The following AP4E1 variants were observed in gnomAD, a reference collection of about 807,000 sequenced individuals.
AP4E1 encodes adaptor related protein complex 4 subunit epsilon 1, also known as AP-4 complex subunit epsilon-1.
A neutral mutation model predicts 128.2 loss-of-function variants in AP4E1; 56 were observed. That is an observed-to-expected ratio of 0.44 (90% CI 0.35 to 0.55). The LOEUF is 0.55. Among genes scored for constraint, AP4E1 ranks in the 20% least tolerant of loss-of-function variants. The pLI is 0.00. For missense variants in AP4E1, 1,324 were observed against 1,307.7 expected, an observed-to-expected ratio of 1.01 and a Z score of -0.19; for synonymous variants, 484 against 473.1, an observed-to-expected ratio of 1.02 and a Z score of -0.30.
At position 51,003,917 on chromosome 15, in the gene AP4E1, G is replaced by C. The variant is rs910191348; in HGVS notation, c.*1255G>C. On this transcript the variant is annotated 3_prime_UTR_variant, in exon 21 of 21. Coordinates refer to ENST00000261842, the MANE Select transcript of AP4E1 (RefSeq NM_007347.5). ...GATTTTAGGTTATCTCATTAATCATGGCTGATAAAGAAGCTAAGGGGATTC... is the reference window on the plus strand; with the variant it reads ...GATTTTAGGTTATCTCATTAATCATCGCTGATAAAGAAGCTAAGGGGATTC... 7.9e-5 allele frequency: 12 copies of C among 152,432 alleles called. No homozygotes were observed. Among genetic ancestry groups the C allele is most frequent in the African/African-American group, 2.9e-4 (12 of 41,414 alleles). The allele number at this position is 152,432 out of a possible 1,614,324, so 9.4% of individuals were successfully genotyped here. A position where few individuals can be genotyped will look rare whatever the true frequency, so the allele number is the denominator to read the frequency against.
rs2064044214 is a variant in AP4E1 at position 50,945,352 on chromosome 15, C to T, written c.1177-2668C>T. On this transcript the variant is annotated intron_variant, in intron 10 of 20. Transcript: ENST00000261842. ...ACTGTACAACATGAGGCAAGCTACT[C>T]CTTTGAAAAAGGTTATATTAGATAT... The T allele has an allele frequency of 2.6e-5, 20 of 779,528 alleles. No individual in the cohort carries two copies. In the Admixed American group the frequency reaches 2.7e-4, roughly 11 times the overall value. The allele number at this position is 779,528 out of a possible 1,614,324, so 48.3% of individuals were successfully genotyped here. A position where few individuals can be genotyped will look rare whatever the true frequency, so the allele number is the denominator to read the frequency against.
chr15:50,910,904 C>G (rs938141708), intron 1 of AP4E1, among the ~76,000 whole-genome samples: 1 of 152,228 alleles, frequency 6.6e-6, no homozygotes, highest in Non-Finnish European at 1.5e-5. Flanking sequence ...AATCCACCTG[C>G]CTTGGCCTTG....
intron 10 of AP4E1, chr15:50,945,049 A>T: frequency 1.3e-6 from 1 of 779,366 alleles, no homozygotes. Context: ...GTTGGTGGTG[A>T]CAAAACTGTG....
chr15:50,911,346 C>G (rs935648178), intron 1 of AP4E1, among the ~76,000 whole-genome samples: 14 of 152,108 alleles, frequency 9.2e-5, no homozygotes, highest in African/African-American at 3.1e-4. Context: ...GGGAAAAAGA[C>G]CTATTTCTGT....
chr15:50,916,787 T>C (rs903257174), intron 3 of AP4E1, among the ~76,000 whole-genome samples: 1 of 152,246 alleles, frequency 6.6e-6, no homozygotes, highest in Admixed American at 6.5e-5. Context: ...CCAAATCAAA[T>C]TTTATTTCTC....
rs549063336 is a variant in AP4E1, at chr15:50,917,822, G to A, written c.346+2251G>A. Among the ~76,000 whole-genome samples, 14 of 152,264 alleles carry A rather than the reference G, an allele frequency of 9.2e-5. No homozygotes were observed. The South Asian group carries it at 1.0e-3, about 11-fold the overall frequency. ...GAAATTAATAGTTACAGTACAGGCC[G>A]GGTACAGTGGCTCATGCGTGTAATC... On this transcript the variant is annotated intron_variant, in intron 3 of 20. Coordinates refer to ENST00000261842, the MANE Select transcript of AP4E1 (RefSeq NM_007347.5).
chr15:50,969,245 C>T (rs945206416), intron 15 of AP4E1, among the ~76,000 whole-genome samples: 2 of 152,080 alleles, frequency 1.3e-5, no homozygotes, highest in African/African-American at 2.4e-5. Flanking sequence ...CACTTTTAAG[C>T]GAGAACATGC....
At chr15:50,966,123 A>G (rs2064388671) in intron 14 of AP4E1, among the ~76,000 whole-genome samples, 1 of 151,940 alleles carries the variant, frequency 6.6e-6, no homozygotes, top group Non-Finnish European at 1.5e-5. Flanking sequence ...GTGTCACCAT[A>G]TTGGCCAGGC....
At chr15:50,909,011 C>A in intron 1 of AP4E1, 83 bp downstream of exon 1, 1 of 1,580,228 alleles carries the variant, frequency 6.3e-7, no homozygotes, top group Non-Finnish European at 8.6e-7. Context: ...GGCGAGACTT[C>A]AGGGCCTCTG....
chr15:50,994,617 C>A (rs1396345062), intron 17 of AP4E1, among the ~76,000 whole-genome samples: 2 of 152,154 alleles, frequency 1.3e-5, no homozygotes, highest in Non-Finnish European at 2.9e-5. Flanking sequence ...ATTTGCAGAT[C>A]AGCAGTAAAG....
chr15:50,963,199 C>T (rs977086804), intron 14 of AP4E1, among the ~76,000 whole-genome samples: 1 of 151,990 alleles, frequency 6.6e-6, no homozygotes, highest in Admixed American at 6.6e-5. Context: ...TTTCAAAAAA[C>T]CAAAAATTGT....
Position 50,997,284 on chromosome 15 carries a change from T to C in AP4E1, c.2347-42T>C. 2.0e-6 allele frequency: 3 copies of C among 1,498,734 alleles called. No homozygotes were observed. The South Asian group carries it at 4.0e-5, about 20-fold the overall frequency. 92.8% of individuals were successfully genotyped at this position (1,498,734 alleles called of 1,614,324 possible). ...ATGAATGTTTAAAACTCATGACTAG[T>C]AGAATGATTTCTTTTTATATTATTA... On this transcript the variant is annotated intron_variant, in intron 17 of 20. Coordinates refer to ENST00000261842, the MANE Select transcript of AP4E1 (RefSeq NM_007347.5).
intron 15 of AP4E1, among the ~76,000 whole-genome samples, chr15:50,979,007 C>T (rs2140908420): frequency 6.6e-6 from 1 of 152,268 alleles, no homozygotes; most frequent in South Asian, 2.1e-4. Context: ...TGCTTGCTGT[C>T]CAAATACTGT....
chr15:50,943,176 C>T (rs959324681), intron 10 of AP4E1, among the ~76,000 whole-genome samples: 1 of 152,024 alleles, frequency 6.6e-6, no homozygotes. Context: ...TGCATTAATT[C>T]ACTTAGGATA....
intron 1 of AP4E1, among the ~76,000 whole-genome samples, chr15:50,909,762 A>G (rs1307299208): frequency 6.6e-6 from 1 of 151,888 alleles, no homozygotes; most frequent in African/African-American, 2.4e-5. Context: ...ATCTGGGCTC[A>G]CTACAAGCTC....
rs530291105 is a variant in AP4E1, at chr15:50,914,105, T to C, written c.223-1343T>C. ...AAAGTGCTGGGATTACAGGAGTGAG[T>C]CACTGTGCCCAGCTAGTGTTTTGTA... On this transcript the variant is annotated intron_variant, in intron 2 of 20. Transcript: ENST00000261842. Among the ~76,000 whole-genome samples the C allele has an allele frequency of 8.5e-5, 13 of 152,150 alleles. No individual in the cohort carries two copies. In the East Asian group the frequency reaches 2.5e-3, roughly 29 times the overall value.
intron 13 of AP4E1, among the ~76,000 whole-genome samples, chr15:50,957,676 T>C (rs958149974): frequency 7.1e-6 from 1 of 140,742 alleles, no homozygotes; most frequent in Non-Finnish European, 1.5e-5. Flanking sequence ...CGTTTCTTTT[T>C]TTTTTTTTTT....
chr15:50,933,579 G>T (rs2063864094), intron 7 of AP4E1, among the ~76,000 whole-genome samples: 1 of 151,962 alleles, frequency 6.6e-6, no homozygotes, highest in South Asian at 2.1e-4. Context: ...AATTTTTTTT[G>T]GGGGGCAGGG....
intron 2 of AP4E1, among the ~76,000 whole-genome samples, chr15:50,913,247 T>A (rs989869636): frequency 6.6e-6 from 1 of 152,230 alleles, no homozygotes; most frequent in Non-Finnish European, 1.5e-5. Context: ...TGTATATGTA[T>A]GTTTGTGTGT....
Sources: allele counts gnomAD v4.1 joint callset (sites outside exome capture counted in the v4.1 genomes callset), GRCh38; gene constraint gnomAD v4.1.1; transcripts MANE v1.5; gene names NCBI Gene and HGNC (gene_info 2026-07-23, HGNC 2026-07-21).